Variants in MDFIC observed in about 807,000 individuals in gnomAD.
The protein encoded by MDFIC is myoD family inhibitor domain-containing protein.
MDFIC carries 17 observed loss-of-function variants against 23.2 expected under a neutral mutation model. The ratio of observed to expected loss-of-function variants is 0.73; its 90% CI spans 0.50 to 1.10. The LOEUF (loss-of-function observed/expected upper bound fraction) is 1.10. Ranked by LOEUF, MDFIC falls within the 50% of genes least tolerant of loss-of-function variation. The probability of loss-of-function intolerance (pLI) is 0.00; values close to 1 mark genes in which losing one functional copy is unlikely to be tolerated. For missense variants in MDFIC, 356 were observed against 316.6 expected, an observed-to-expected ratio of 1.12 and a Z score of -0.95; for synonymous variants, 120 against 115.2, an observed-to-expected ratio of 1.04 and a Z score of -0.27.
intron 2 of MDFIC, among the ~76,000 whole-genome samples, chr7:114,935,109 T>C (rs1046755946): frequency 6.6e-5 from 10 of 152,148 alleles, no homozygotes; most frequent in Non-Finnish European, 1.0e-4. Context: ...CCAGAGATTT[T>C]AGTCTCAGAT....
At chr7:114,995,799 C>T (rs1308190744) in intron 4 of MDFIC, among the ~76,000 whole-genome samples, 1 of 152,176 alleles carries the variant, frequency 6.6e-6, no homozygotes, top group Non-Finnish European at 1.5e-5. Flanking sequence ...ATCAGGGACC[C>T]ACTTGAGGAG....
chr7:114,981,063 G>A (rs1368522983), intron 4 of MDFIC, among the ~76,000 whole-genome samples: 1 of 152,186 alleles, frequency 6.6e-6, no homozygotes, highest in African/African-American at 2.4e-5. Flanking sequence ...CATCTCTGAA[G>A]CATAGGTAGG....
At chr7:115,007,132 A>G (rs1791585050) in intron 4 of MDFIC, among the ~76,000 whole-genome samples, 1 of 152,296 alleles carries the variant, frequency 6.6e-6, no homozygotes, top group African/African-American at 2.4e-5. Context: ...AGCTGTGGTC[A>G]GAGCCTTTTA....
intron 3 of MDFIC, among the ~76,000 whole-genome samples, chr7:114,961,184 A>G (rs1226389055): frequency 6.6e-6 from 1 of 152,152 alleles, no homozygotes; most frequent in Non-Finnish European, 1.5e-5. Context: ...AAAGGATGAG[A>G]CACAATCCTT....
intron 2 of MDFIC, among the ~76,000 whole-genome samples, chr7:114,937,127 T>C (rs898552443): frequency 9.2e-5 from 14 of 152,182 alleles, no homozygotes; most frequent in Non-Finnish European, 1.9e-4. Flanking sequence ...TAAAATATTA[T>C]AGAATTTTAA....
intron 3 of MDFIC, among the ~76,000 whole-genome samples, chr7:114,969,506 T>G (rs1228241646): frequency 6.6e-6 from 1 of 152,176 alleles, no homozygotes; most frequent in Non-Finnish European, 1.5e-5. Context: ...TCAAGGCAAG[T>G]CAGCAAATGC....
chr7:114,962,550 T>C (rs1222833046), intron 3 of MDFIC, among the ~76,000 whole-genome samples: 2 of 152,198 alleles, frequency 1.3e-5, no homozygotes, highest in African/African-American at 2.4e-5. Flanking sequence ...ATTAGAATTA[T>C]GATTCTCCAG....
intron 4 of MDFIC, among the ~76,000 whole-genome samples, chr7:115,011,372 G>A (rs1791678446): frequency 6.6e-6 from 1 of 151,876 alleles, no homozygotes; most frequent in South Asian, 2.1e-4. Context: ...ATGAAAAATT[G>A]ATGAAAACGT....
At chr7:114,971,349 G>A (rs1793201934) in intron 3 of MDFIC, among the ~76,000 whole-genome samples, 2 of 152,098 alleles carry the variant, frequency 1.3e-5, no homozygotes, top group Admixed American at 6.6e-5. Context: ...TTCTGATACA[G>A]GTGTTTATAT....
At chr7:114,964,562 T>A (rs1194770907) in intron 3 of MDFIC, among the ~76,000 whole-genome samples, 1 of 134,498 alleles carries the variant, frequency 7.4e-6, no homozygotes, top group Non-Finnish European at 1.6e-5. Flanking sequence ...TTCGCTTCCC[T>A]CCCCTTCCGA....
At chr7:114,953,339 C>T (rs183925562) in intron 3 of MDFIC, among the ~76,000 whole-genome samples, 1 of 151,912 alleles carries the variant, frequency 6.6e-6, no homozygotes. Flanking sequence ...TCATAAAAAT[C>T]TTTTTTAAAA....
chr7:115,006,078 C>G (rs1446241528), intron 4 of MDFIC, among the ~76,000 whole-genome samples: 3 of 152,124 alleles, frequency 2.0e-5, no homozygotes, highest in Non-Finnish European at 4.4e-5. Flanking sequence ...CATCCTGGGT[C>G]TTCTCAGGCG....
At chr7:114,927,828 T>G (rs909411503) in intron 2 of MDFIC, among the ~76,000 whole-genome samples, 4 of 152,328 alleles carry the variant, frequency 2.6e-5, no homozygotes, top group African/African-American at 4.8e-5. Flanking sequence ...ATTGTTAGAA[T>G]TAAGTTTTAT....
intron 2 of MDFIC, among the ~76,000 whole-genome samples, chr7:114,932,213 G>T (rs1195956551): frequency 6.6e-6 from 1 of 152,084 alleles, no homozygotes; most frequent in Non-Finnish European, 1.5e-5. Context: ...TATGCAAAAT[G>T]GATATAATTC....
At chr7:114,966,979 T>A (rs114542749) in intron 3 of MDFIC, among the ~76,000 whole-genome samples, 3,690 of 152,162 alleles carry the variant, frequency 0.024, 67 homozygotes, top group African/African-American at 0.05. Context: ...GATTTTTTTT[T>A]AAAAAAATAT....
At chr7:114,938,865 G>T (rs1385058210) in intron 2 of MDFIC, among the ~76,000 whole-genome samples, 1 of 152,118 alleles carries the variant, frequency 6.6e-6, no homozygotes, top group Non-Finnish European at 1.5e-5. Context: ...AACCAGGGCT[G>T]AGTTCTTTGT....
chr7:114,959,878 T>C (rs1260996153), intron 3 of MDFIC, among the ~76,000 whole-genome samples: 2 of 151,236 alleles, frequency 1.3e-5, no homozygotes, highest in Admixed American at 1.3e-4. Flanking sequence ...AAAGTGAAAA[T>C]AAAAGAATGG....
intron 2 of MDFIC, among the ~76,000 whole-genome samples, chr7:114,928,890 A>G (rs1792249589): frequency 6.6e-6 from 1 of 152,190 alleles, no homozygotes; most frequent in Non-Finnish European, 1.5e-5. Context: ...AATTGATTTA[A>G]AAACAATAGC....
At chr7:114,971,596 G>A (rs1015647869) in intron 3 of MDFIC, among the ~76,000 whole-genome samples, 4 of 152,220 alleles carry the variant, frequency 2.6e-5, no homozygotes, top group East Asian at 3.9e-4. Flanking sequence ...TGTATTGCTT[G>A]CTTTTGTGCT....
Sources: allele counts gnomAD v4.1 joint callset (sites outside exome capture counted in the v4.1 genomes callset), GRCh38; gene constraint gnomAD v4.1.1; transcripts MANE v1.5; gene names NCBI Gene and HGNC (gene_info 2026-07-23, HGNC 2026-07-21).